Variants in NGEF observed in about 807,000 individuals in gnomAD.
NGEF encodes the protein ephexin-1.
In NGEF, 31 loss-of-function variants were observed where a neutral mutation model predicts 80.9. The observed-to-expected ratio is 0.38, with a 90% CI of 0.29 to 0.52. The LOEUF (loss-of-function observed/expected upper bound fraction) is 0.52, where lower values mean the gene tolerates loss of function less well. Ranked by LOEUF, NGEF falls within the 20% of genes least tolerant of loss-of-function variation. The probability of loss-of-function intolerance (pLI) is 0.84; values close to 1 mark genes in which losing one functional copy is unlikely to be tolerated. For missense variants in NGEF, 709 were observed against 926.2 expected, an observed-to-expected ratio of 0.77 and a Z score of 3.04; for synonymous variants, 371 against 370.2, an observed-to-expected ratio of 1.00 and a Z score of -0.03.
Position 232,977,271 on chromosome 2 carries a change from C to T in NGEF, c.-74-2307G>A, listed in dbSNP as rs537744973. Among the ~76,000 whole-genome samples, 6 of 152,248 alleles carry T rather than the reference C, an allele frequency of 3.9e-5. No homozygotes were observed. In the South Asian group the frequency reaches 6.2e-4, roughly 16 times the overall value. ...GTGGCTGCAAGGACGGGCAGAGACT[C>T]GGGAGGGACGAGGTCACCATTGTCA... is the stretch of plus-strand genomic sequence containing the variant. On this transcript the variant is annotated intron_variant, in intron 1 of 14. Transcript: ENST00000264051.
At position 232,920,348 on chromosome 2, in the gene NGEF, A is replaced by G; in HGVS notation, c.764T>C (p.Leu255Pro). The G allele has an allele frequency of 6.2e-7, 1 of 1,614,140 alleles. No individual in the cohort carries two copies. The highest frequency in any genetic ancestry group is 8.5e-7 in the Non-Finnish European group (1 of 1,180,022). Residue 255 changes from leucine to proline, a missense_variant, in exon 5 of 15, where the codon CTT becomes CCT. This residue lies in a region of NGEF where 426 missense variants were observed against 622.9 expected (regional missense o/e 0.68). Transcript: ENST00000264051. Reference protein sequence around the residue: ...PHSRFNLWQDLPEIRSSGVLE... With the variant: ...PHSRFNLWQDPPEIRSSGVLE... ...CACCCCGCTGCTCCGGATCTCGGGA[A>G]GATCCTGCCAGAGGTTGAACCTTGA...
At chr2:232,981,689 C>T (rs1018383007) in intron 1 of NGEF, among the ~76,000 whole-genome samples, 2 of 152,158 alleles carry the variant, frequency 1.3e-5, no homozygotes, top group Non-Finnish European at 2.9e-5. Context: ...TTCCCGAGAC[C>T]CTACCTGCCA....
At chr2:232,951,259 C>T (rs1426502742) in intron 3 of NGEF, among the ~76,000 whole-genome samples, 1 of 152,156 alleles carries the variant, frequency 6.6e-6, no homozygotes, top group Non-Finnish European at 1.5e-5. Flanking sequence ...GTGCATCATC[C>T]CTGGCACCTC....
intron 5 of NGEF, 140 bp downstream of exon 5, chr2:232,920,144 G>C (rs1437552751): frequency 1.3e-6 from 1 of 767,570 alleles, no homozygotes; most frequent in East Asian, 2.6e-5. Flanking sequence ...TTTTCTGCAT[G>C]TTCTAGATGG....
chr2:233,000,381 G>A (rs1201611680), intron 1 of NGEF, among the ~76,000 whole-genome samples: 1 of 152,120 alleles, frequency 6.6e-6, no homozygotes, highest in Non-Finnish European at 1.5e-5. Flanking sequence ...GCAGGTGTGA[G>A]CCACCGTGCC....
chr2:232,974,584 T>C (rs776314206), intron 2 of NGEF, 39 bp downstream of exon 2: 2 of 1,599,706 alleles, frequency 1.3e-6, no homozygotes, highest in East Asian at 4.5e-5. Context: ...TCCAGTTGGA[T>C]GTAAGGGAAC....
At chr2:232,962,395 A>T (rs1047538723) in intron 3 of NGEF, among the ~76,000 whole-genome samples, 52 of 150,202 alleles carry the variant, frequency 3.5e-4, no homozygotes, top group Non-Finnish European at 1.8e-4. Context: ...CAACAACAAC[A>T]AAAATTAGCC....
rs1691916950 is a variant in NGEF, at chr2:232,892,546, T to C, written c.1142+352A>G. On this transcript the variant is annotated intron_variant, in intron 7 of 14. Transcript: ENST00000264051. This position sits in a 1 kb window ranked among gnomAD's most constrained non-coding sequence, Gnocchi z 4.0. Reference sequence around the variant, plus strand: ...TTGTCGCTAGTTCAAGCCCCGTCTCTGATGTCCTGGGCTTTGAATTGTCCA... The same window carrying C: ...TTGTCGCTAGTTCAAGCCCCGTCTCCGATGTCCTGGGCTTTGAATTGTCCA... Among the ~76,000 whole-genome samples, 1 of 152,220 alleles carries C rather than the reference T, an allele frequency of 6.6e-6. No individual in the cohort carries two copies. The highest frequency in any genetic ancestry group is 6.5e-5 in the Admixed American group (1 of 15,282).
At position 233,000,532 on chromosome 2, in the gene NGEF, T is replaced by C. The variant is rs865998084; in HGVS notation, c.-75+12536A>G. On this transcript the variant is annotated intron_variant, in intron 1 of 14. Transcript: ENST00000264051. ...CAGCACTTTGGGAGGCCGAGGCGGG[T>C]GGATCACGAGGTCAGGAGATTGAGA... 7.3e-4 allele frequency among the ~76,000 whole-genome samples: 110 copies of C among 151,362 alleles called. 2 individuals carry two copies. The South Asian group carries it at 0.016, about 22-fold the overall frequency.
At chr2:232,922,946 T>C (rs1474939818) in intron 4 of NGEF, among the ~76,000 whole-genome samples, 2 of 152,150 alleles carry the variant, frequency 1.3e-5, no homozygotes, top group East Asian at 1.9e-4. Context: ...GGCGGGTGCC[T>C]ATAATCCCAG....
intron 1 of NGEF, among the ~76,000 whole-genome samples, chr2:232,998,846 C>A (rs913036955): frequency 6.6e-6 from 1 of 152,186 alleles, no homozygotes; most frequent in Non-Finnish European, 1.5e-5. Flanking sequence ...ACTCGACACA[C>A]CCCAGGAGCC....
At chr2:232,933,158 A>G (rs1269446223) in intron 3 of NGEF, among the ~76,000 whole-genome samples, 1 of 149,140 alleles carries the variant, frequency 6.7e-6, no homozygotes. Flanking sequence ...AAATGGCACT[A>G]AACCCATTCA....
rs1053492127 is a variant in NGEF, at chr2:232,920,663, C to T, written c.527-78G>A. ...ATTAGAAATCCCTAAGTCAAGGCTT[C>T]GTGTTCTTATCAAGGGTGGCTGCTG... On this transcript the variant is annotated intron_variant, in intron 4 of 14. Transcript: ENST00000264051. 24 of 1,402,198 alleles carry T rather than the reference C, an allele frequency of 1.7e-5. 1 individual carries two copies. In the South Asian group the frequency reaches 2.3e-4, roughly 13 times the overall value. 86.9% of individuals were successfully genotyped at this position (1,402,198 alleles called of 1,614,324 possible).
chr2:233,005,261 G>A (rs1283516202), intron 1 of NGEF, among the ~76,000 whole-genome samples: 1 of 152,228 alleles, frequency 6.6e-6, no homozygotes, highest in African/African-American at 2.4e-5. Context: ...GAGGGCTGGA[G>A]CTGGCAGGTC....
At chr2:232,949,579 G>T (rs1574631245) in intron 3 of NGEF, among the ~76,000 whole-genome samples, 1 of 151,812 alleles carries the variant, frequency 6.6e-6, no homozygotes, top group South Asian at 2.1e-4. Flanking sequence ...CCGGGTTCAA[G>T]TGATTCTCCT....
chr2:232,998,957 A>G (rs1694912786), intron 1 of NGEF, among the ~76,000 whole-genome samples: 1 of 152,204 alleles, frequency 6.6e-6, no homozygotes, highest in Non-Finnish European at 1.5e-5. Flanking sequence ...TACAATGAGC[A>G]TAACTGCGTG....
At chr2:232,918,173 G>T in intron 5 of NGEF, among the ~76,000 whole-genome samples, 1 of 152,144 alleles carries the variant, frequency 6.6e-6, no homozygotes, top group East Asian at 1.9e-4. Flanking sequence ...TGCCAGGCTG[G>T]TCTCGAACTC....
Position 232,953,509 on chromosome 2 carries a change from TAAA to T in NGEF, c.383+16702_383+16704del, listed in dbSNP as rs71398762. ...AGTTGACTTACATTCTTTTTTTTTT[TAAA>T]AAAAAAAGAAAAAGTTTAACATACA... On this transcript the variant is annotated intron_variant, in intron 3 of 14. Transcript: ENST00000264051. Among the ~76,000 whole-genome samples, 887 of 113,892 alleles carry T rather than the reference TAAA, an allele frequency of 7.8e-3. 7 individuals are homozygous for T. Among genetic ancestry groups the T allele is most frequent in the Middle Eastern group, 0.017 (4 of 236 alleles). The allele number at this position is 113,892 out of a possible 152,430, so 74.7% of individuals were successfully genotyped here.
chr2:232,933,720 C>A (rs1226214185), intron 3 of NGEF, among the ~76,000 whole-genome samples: 1 of 152,222 alleles, frequency 6.6e-6, no homozygotes, highest in East Asian at 1.9e-4. Context: ...AGGTTCTGGG[C>A]TTTTTCAAGT....
Sources: allele counts gnomAD v4.1 joint callset (sites outside exome capture counted in the v4.1 genomes callset), GRCh38; gene constraint gnomAD v4.1.1; regional missense constraint gnomAD v4.1.1; non-coding constraint Gnocchi (gnomAD v3.1); transcripts MANE v1.5; gene names NCBI Gene and HGNC (gene_info 2026-07-23, HGNC 2026-07-21).